Variants in GABBR2 observed in about 807,000 individuals in gnomAD.
The protein encoded by GABBR2 is G-protein coupled receptor 51.
GABBR2 carries 23 observed loss-of-function variants against 105.6 expected under a neutral mutation model. The ratio of observed to expected loss-of-function variants is 0.22; its 90% CI spans 0.16 to 0.31. The LOEUF is 0.31. Ranked by LOEUF, GABBR2 falls within the 10% of genes least tolerant of loss-of-function variation. GABBR2 has a pLI of 1.00. For synonymous variants in GABBR2, 478 were observed against 499.7 expected, an observed-to-expected ratio of 0.96 and a Z score of 0.58; for missense variants, 734 against 1,245.5, an observed-to-expected ratio of 0.59 and a Z score of 6.18.
chr9:98,380,408 C>T (rs1217346862), intron 11 of GABBR2, among the ~76,000 whole-genome samples: 1 of 152,222 alleles, frequency 6.6e-6, no homozygotes, highest in Non-Finnish European at 1.5e-5. Context: ...CTCAGATCCA[C>T]AAGGAAGGCA....
intron 1 of GABBR2, among the ~76,000 whole-genome samples, chr9:98,630,841 T>C (rs1004654421): frequency 2.6e-5 from 4 of 152,088 alleles, no homozygotes; most frequent in Non-Finnish European, 5.9e-5. Context: ...CCGTCCAACA[T>C]TGGCAGCCAC....
intron 3 of GABBR2, among the ~76,000 whole-genome samples, chr9:98,509,372 T>C (rs942270652): frequency 2.6e-5 from 4 of 152,142 alleles, no homozygotes; most frequent in Admixed American, 2.6e-4. Flanking sequence ...CCTCTCCTCC[T>C]CCAAAGGAAC....
chr9:98,493,604 A>G (rs1052739341), intron 4 of GABBR2, among the ~76,000 whole-genome samples: 5 of 152,070 alleles, frequency 3.3e-5, no homozygotes, highest in African/African-American at 9.7e-5. Context: ...ACTACCTCCA[A>G]TGCAGACTCC....
At chr9:98,644,298 T>C (rs527317644) in intron 1 of GABBR2, among the ~76,000 whole-genome samples, 2 of 152,216 alleles carry the variant, frequency 1.3e-5, no homozygotes, top group South Asian at 2.1e-4. Context: ...ATTACACACA[T>C]TGTGGGCAGC....
intron 3 of GABBR2, among the ~76,000 whole-genome samples, chr9:98,530,922 G>C (rs969330741): frequency 1.2e-4 from 18 of 152,176 alleles, no homozygotes; most frequent in African/African-American, 4.3e-4. Flanking sequence ...TGTGTATAGA[G>C]GGGGAAGGGT....
intron 1 of GABBR2, among the ~76,000 whole-genome samples, chr9:98,621,340 C>A (rs543397957): frequency 3.1e-4 from 47 of 152,180 alleles, no homozygotes; most frequent in Non-Finnish European, 5.7e-4. Context: ...GTTCTGTATC[C>A]ATGGCATCCA....
At chr9:98,620,400 G>T (rs1005959168) in intron 1 of GABBR2, among the ~76,000 whole-genome samples, 6 of 151,820 alleles carry the variant, frequency 4.0e-5, no homozygotes, top group African/African-American at 1.4e-4. Context: ...CCTTTAAAAA[G>T]AAATATTTTA....
intron 2 of GABBR2, among the ~76,000 whole-genome samples, chr9:98,567,320 T>C (rs1275471956): frequency 6.6e-6 from 1 of 152,202 alleles, no homozygotes; most frequent in African/African-American, 2.4e-5. Flanking sequence ...ACATGGGGTA[T>C]GTCCTTGCAG....
intron 12 of GABBR2, among the ~76,000 whole-genome samples, chr9:98,367,298 T>TAAA (rs368200743): frequency 0.031 from 3,420 of 110,074 alleles, 173 homozygotes; most frequent in African/African-American, 0.11. Flanking sequence ...TATATGTCAG[T>TAAA]AAAAAAAAAA....
At chr9:98,514,942 G>A (rs901570180) in intron 3 of GABBR2, among the ~76,000 whole-genome samples, 1 of 152,136 alleles carries the variant, frequency 6.6e-6, no homozygotes, top group East Asian at 1.9e-4. Flanking sequence ...CTGAAGAACT[G>A]CCACCAAACC....
chr9:98,536,946 C>CGAG (rs1828192856), intron 3 of GABBR2, among the ~76,000 whole-genome samples: 1 of 152,192 alleles, frequency 6.6e-6, no homozygotes, highest in African/African-American at 2.4e-5. Context: ...ACAAGTAGAC[C>CGAG]GAGGCCACCA....
intron 13 of GABBR2, among the ~76,000 whole-genome samples, chr9:98,320,825 T>A: frequency 1.1e-5 from 1 of 92,534 alleles, no homozygotes; most frequent in Non-Finnish European, 2.1e-5. Flanking sequence ...CTGGGGACTG[T>A]TGTGGTGTGG....
At chr9:98,310,809 T>C (rs1428761659) in intron 14 of GABBR2, among the ~76,000 whole-genome samples, 1 of 152,156 alleles carries the variant, frequency 6.6e-6, no homozygotes, top group African/African-American at 2.4e-5. Context: ...CCACGAGTTT[T>C]TGGGTTACTC....
chr9:98,334,839 A>T (rs1242515006), intron 13 of GABBR2, among the ~76,000 whole-genome samples: 1 of 152,218 alleles, frequency 6.6e-6, no homozygotes, highest in Non-Finnish European at 1.5e-5. Context: ...AGCTTAATCC[A>T]CTATCGCTTT....
chr9:98,672,172 C>T (rs1461557353), intron 1 of GABBR2, among the ~76,000 whole-genome samples: 1 of 152,032 alleles, frequency 6.6e-6, no homozygotes, highest in Admixed American at 6.5e-5. Flanking sequence ...TTTGTCTTTG[C>T]AAAACTGAAA....
At chr9:98,509,195 T>C (rs1469872498) in intron 3 of GABBR2, among the ~76,000 whole-genome samples, 1 of 152,158 alleles carries the variant, frequency 6.6e-6, no homozygotes, top group Non-Finnish European at 1.5e-5. Context: ...CCAACAGACC[T>C]GCAGCTGAGG....
At chr9:98,413,873 G>C (rs1460706217) in intron 7 of GABBR2, among the ~76,000 whole-genome samples, 1 of 152,246 alleles carries the variant, frequency 6.6e-6, no homozygotes, top group Non-Finnish European at 1.5e-5. Flanking sequence ...ATTATAATAA[G>C]AGAGTCAGGC....
intron 1 of GABBR2, among the ~76,000 whole-genome samples, chr9:98,698,689 G>A (rs533627417): frequency 5.3e-5 from 8 of 152,064 alleles, no homozygotes; most frequent in East Asian, 3.9e-4. Flanking sequence ...TAGTAGAGAC[G>A]GGGTTTCACC....
At chr9:98,646,079 G>T (rs982000166) in intron 1 of GABBR2, among the ~76,000 whole-genome samples, 1 of 152,110 alleles carries the variant, frequency 6.6e-6, no homozygotes, top group African/African-American at 2.4e-5. Context: ...AACACAGCGG[G>T]TCTGAGACTG....
Sources: gnomAD v4.1 joint callset for allele counts (sites outside exome capture counted in the v4.1 genomes callset) on GRCh38, gnomAD v4.1.1 for gene constraint, MANE v1.5 for transcripts, NCBI Gene and HGNC (gene_info 2026-07-23, HGNC 2026-07-21) for gene names.